The following TOX variants were observed in gnomAD, a reference collection of about 807,000 sequenced individuals.
The protein encoded by TOX is thymocyte selection-associated high mobility group box protein TOX.
In TOX, 11 loss-of-function variants were observed where a neutral mutation model predicts 53.7. That is an observed-to-expected ratio of 0.20 (90% CI 0.13 to 0.34). The LOEUF is 0.34. Among genes scored for constraint, TOX ranks in the 10% least tolerant of loss-of-function variants. The pLI, the probability that TOX is intolerant of heterozygous loss-of-function variation, is 1.00. For missense variants in TOX, 570 were observed against 664.6 expected, an observed-to-expected ratio of 0.86 and a Z score of 1.56; for synonymous variants, 225 against 245.3, an observed-to-expected ratio of 0.92 and a Z score of 0.77.
intron 6 of TOX, among the ~76,000 whole-genome samples, chr8:58,824,727 A>G (rs1810338230): frequency 6.6e-6 from 1 of 152,236 alleles, no homozygotes; most frequent in Non-Finnish European, 1.5e-5. Flanking sequence ...TGTTTTCACT[A>G]ACGATTTCCC....
intron 1 of TOX, among the ~76,000 whole-genome samples, chr8:59,065,385 A>G (rs766086139): frequency 2.8e-4 from 43 of 152,296 alleles, no homozygotes; most frequent in Middle Eastern, 3.4e-3. Context: ...TTTAGAAGAC[A>G]TTATTATCCT....
intron 1 of TOX, among the ~76,000 whole-genome samples, chr8:59,098,003 G>A (rs911796507): frequency 6.6e-6 from 1 of 151,904 alleles, no homozygotes; most frequent in Non-Finnish European, 1.5e-5. Flanking sequence ...GGGGAATCAC[G>A]GAGGGAAATC....
chr8:58,839,982 A>C (rs1810616676), intron 4 of TOX, among the ~76,000 whole-genome samples: 1 of 152,236 alleles, frequency 6.6e-6, no homozygotes, highest in African/African-American at 2.4e-5. Flanking sequence ...GTGCCATTTT[A>C]TAATGACTAA....
chr8:58,886,672 A>C (rs1037217968), intron 3 of TOX, among the ~76,000 whole-genome samples: 1 of 152,072 alleles, frequency 6.6e-6, no homozygotes, highest in Non-Finnish European at 1.5e-5. Context: ...TCTTTATACT[A>C]AGTTTCTATT....
At chr8:59,021,892 A>T (rs11987778) in intron 1 of TOX, among the ~76,000 whole-genome samples, 32,522 of 152,018 alleles carry the variant, frequency 0.21, 3,685 homozygotes, top group East Asian at 0.3. Context: ...TTCCTTGTGG[A>T]TCTATAACAG....
At chr8:58,978,943 T>C (rs1426196937) in intron 1 of TOX, among the ~76,000 whole-genome samples, 4 of 152,246 alleles carry the variant, frequency 2.6e-5, no homozygotes, top group African/African-American at 9.6e-5. Context: ...CAATGCTGCC[T>C]GTATCTACCT....
At chr8:58,961,145 C>A (rs1288328118) in intron 1 of TOX, among the ~76,000 whole-genome samples, 1 of 152,128 alleles carries the variant, frequency 6.6e-6, no homozygotes, top group Non-Finnish European at 1.5e-5. Context: ...ATTCCACCAC[C>A]TATGAACTGC....
chr8:59,051,183 A>G (rs1235029195), intron 1 of TOX, among the ~76,000 whole-genome samples: 1 of 152,148 alleles, frequency 6.6e-6, no homozygotes, highest in Non-Finnish European at 1.5e-5. Flanking sequence ...TTACTAGGAT[A>G]TTAAACTGAA....
chr8:58,926,003 C>A lies in TOX; in HGVS notation c.411+13299G>T, dbSNP rs191697171. 2.6e-5 allele frequency among the ~76,000 whole-genome samples: 4 copies of A among 152,272 alleles called. No homozygotes were observed. The East Asian group carries it at 7.7e-4, about 29-fold the overall frequency. On this transcript the variant is annotated intron_variant, in intron 3 of 8. Transcript: ENST00000361421. Reference sequence around the variant, plus strand: ...CTGAGCTACCCTGGTAAATCCATCCCGGACTAAACTCTCTTCTGGAGACTT... The same window carrying A: ...CTGAGCTACCCTGGTAAATCCATCCAGGACTAAACTCTCTTCTGGAGACTT...
At chr8:59,029,047 C>T (rs1476159055) in intron 1 of TOX, among the ~76,000 whole-genome samples, 1 of 152,100 alleles carries the variant, frequency 6.6e-6, no homozygotes, top group African/African-American at 2.4e-5. Context: ...GACAGAAATA[C>T]TTTACAACTA....
At chr8:59,028,945 T>C (rs1814297515) in intron 1 of TOX, among the ~76,000 whole-genome samples, 1 of 152,142 alleles carries the variant, frequency 6.6e-6, no homozygotes, top group South Asian at 2.1e-4. Flanking sequence ...TAGCAAACCT[T>C]GAGGTTCACA....
At chr8:59,089,391 T>C (rs1000544778) in intron 1 of TOX, among the ~76,000 whole-genome samples, 2 of 152,210 alleles carry the variant, frequency 1.3e-5, no homozygotes, top group Non-Finnish European at 2.9e-5. Flanking sequence ...GTGACCTCTT[T>C]CAGCTCTTCA....
chr8:59,038,625 A>C (rs565744838), intron 1 of TOX, among the ~76,000 whole-genome samples: 9 of 152,192 alleles, frequency 5.9e-5, no homozygotes, highest in Non-Finnish European at 1.3e-4. Flanking sequence ...CCATGAAATT[A>C]TATTAGAATT....
chr8:58,925,819 C>G (rs1260856905), intron 3 of TOX, among the ~76,000 whole-genome samples: 2 of 152,154 alleles, frequency 1.3e-5, no homozygotes. Context: ...CTCTGAGAAA[C>G]AGCCCTTTGT....
chr8:58,978,279 G>C (rs1813141285), intron 1 of TOX, among the ~76,000 whole-genome samples: 1 of 152,154 alleles, frequency 6.6e-6, no homozygotes, highest in Non-Finnish European at 1.5e-5. Context: ...GGAGTCTAGA[G>C]CCACTTCAGT....
At chr8:58,908,217 C>G (rs1243316058) in intron 3 of TOX, among the ~76,000 whole-genome samples, 1 of 151,858 alleles carries the variant, frequency 6.6e-6, no homozygotes, top group Non-Finnish European at 1.5e-5. Context: ...GATCTAAAAT[C>G]CTTCATCATA....
At chr8:59,055,848 T>G (rs1446081978) in intron 1 of TOX, among the ~76,000 whole-genome samples, 4 of 152,168 alleles carry the variant, frequency 2.6e-5, no homozygotes, top group Admixed American at 2.6e-4. Flanking sequence ...ATCAGGGACA[T>G]CTACTTGCCA....
chr8:58,923,450 G>A (rs977482501), intron 3 of TOX, among the ~76,000 whole-genome samples: 1 of 152,160 alleles, frequency 6.6e-6, no homozygotes, highest in Admixed American at 6.5e-5. Flanking sequence ...ATCTGGGAGG[G>A]ACAATGGTTC....
rs35347981 is a variant in TOX, at chr8:58,838,699, C to CTTTTTTTTTTTTTTTTTTTTTTTTTTTT, written c.694-389_694-388insAAAAAAAAAAAAAAAAAAAAAAAAAAAA. ...TTTCTTCTAAGGAAGTTATCCTTGT[C>CTTTTTTTTTTTTTTTTTTTTTTTTTTTT]TTTTTTTTTTTTTTTTTTTTTGAGA... is the stretch of plus-strand genomic sequence containing the variant. On this transcript the variant is annotated intron_variant, in intron 4 of 8. Transcript: ENST00000361421. 5.4e-4 allele frequency among the ~76,000 whole-genome samples: 48 copies of CTTTTTTTTTTTTTTTTTTTTTTTTTTTT among 88,868 alleles called. 3 individuals carry two copies. Among genetic ancestry groups the CTTTTTTTTTTTTTTTTTTTTTTTTTTTT allele is most frequent in the Non-Finnish European group, 6.4e-4 (33 of 51,248 alleles). The allele number at this position is 88,868 out of a possible 152,430, so 58.3% of individuals were successfully genotyped here. A position where few individuals can be genotyped will look rare whatever the true frequency, so the allele number is the denominator to read the frequency against.
Sources: allele counts gnomAD v4.1 joint callset (sites outside exome capture counted in the v4.1 genomes callset), GRCh38; gene constraint gnomAD v4.1.1; transcripts MANE v1.5; gene names NCBI Gene and HGNC (gene_info 2026-07-23, HGNC 2026-07-21).